Variants in CFAP54 observed in about 807,000 individuals in gnomAD.
CFAP54 encodes cilia and flagella associated protein 54.
CFAP54 carries 290 observed loss-of-function variants against 370.4 expected under a neutral mutation model. The observed-to-expected ratio is 0.78, with a 90% CI of 0.71 to 0.86. The LOEUF is 0.86. Among genes scored for constraint, CFAP54 ranks in the 40% least tolerant of loss-of-function variants. The pLI is 0.00. For missense variants in CFAP54, 3,399 were observed against 3,528.7 expected, an observed-to-expected ratio of 0.96 and a Z score of 0.93; for synonymous variants, 1,206 against 1,236.5, an observed-to-expected ratio of 0.98 and a Z score of 0.52.
chr12:96,518,126 G>A (rs1461675491), intron 5 of CFAP54, among the ~76,000 whole-genome samples: 4 of 152,134 alleles, frequency 2.6e-5, no homozygotes, highest in Admixed American at 6.6e-5. Context: ...AAATTGAGGC[G>A]TAAAGAGGTA....
intron 65 of CFAP54, among the ~76,000 whole-genome samples, chr12:96,826,963 C>A (rs7976980): frequency 2.4e-5 from 3 of 122,886 alleles, no homozygotes; most frequent in African/African-American, 3.4e-5. Context: ...ATATAATATG[C>A]AATTATATAT....
intron 32 of CFAP54, among the ~76,000 whole-genome samples, chr12:96,643,869 G>T (rs1446776752): frequency 6.6e-6 from 1 of 152,068 alleles, no homozygotes; most frequent in East Asian, 1.9e-4. Context: ...TAATTTTGTT[G>T]TCTAATCTCA....
At chr12:96,651,894 GTTTT>G (rs11314540) in intron 36 of CFAP54, 79 bp downstream of exon 36, 4 of 689,986 alleles carry the variant, frequency 5.8e-6, no homozygotes, top group Non-Finnish European at 9.1e-6. Flanking sequence ...AGTAGAAACT[GTTTT>G]TTTTTTTATT....
intron 19 of CFAP54, among the ~76,000 whole-genome samples, chr12:96,567,676 G>T (rs894501591): frequency 6.6e-6 from 1 of 151,984 alleles, no homozygotes; most frequent in African/African-American, 2.4e-5. Flanking sequence ...TACTAATCTT[G>T]GGTCTTCTTA....
At position 96,861,432 on chromosome 12, in the gene CFAP54, C is replaced by T. The variant is rs537645082; in HGVS notation, c.*14+480C>T. 1.4e-4 allele frequency among the ~76,000 whole-genome samples: 22 copies of T among 152,276 alleles called. 1 individual carries two copies. In the South Asian group the frequency reaches 3.9e-3, roughly 27 times the overall value. On this transcript the variant is annotated intron_variant, in intron 67 of 67. Coordinates refer to ENST00000524981, the MANE Select transcript of CFAP54 (RefSeq NM_001306084.2). ...ATTATCAAGCCCAAAATGTCACTAA[C>T]GCTAGTCTTGAAAAACCCTCAATTA...
intron 67 of CFAP54, among the ~76,000 whole-genome samples, chr12:96,868,989 A>G (rs1192582815): frequency 6.6e-6 from 1 of 152,238 alleles, no homozygotes; most frequent in African/African-American, 2.4e-5. Context: ...ATAACATCCC[A>G]TTAAAAAACT....
At chr12:96,836,517 G>C (rs1959186646) in intron 66 of CFAP54, among the ~76,000 whole-genome samples, 1 of 152,166 alleles carries the variant, frequency 6.6e-6, no homozygotes, top group Non-Finnish European at 1.5e-5. Context: ...TTACTAGCAG[G>C]ACAGCTGACA....
intron 4 of CFAP54, 138 bp downstream of exon 4, chr12:96,507,237 C>T (rs568665950): frequency 8.0e-5 from 56 of 700,764 alleles, no homozygotes; most frequent in African/African-American, 5.9e-4. Flanking sequence ...TTTCAACATT[C>T]GTGTGACATG....
At chr12:96,626,245 G>A (rs957815160) in intron 29 of CFAP54, among the ~76,000 whole-genome samples, 2 of 151,976 alleles carry the variant, frequency 1.3e-5, no homozygotes, top group Non-Finnish European at 2.9e-5. Flanking sequence ...TTATCCACGT[G>A]TTGGGTGGTG....
At chr12:96,771,330 C>G (rs779185366) in intron 60 of CFAP54, among the ~76,000 whole-genome samples, 1 of 152,182 alleles carries the variant, frequency 6.6e-6, no homozygotes, top group African/African-American at 2.4e-5. Context: ...TGAGTAGATT[C>G]AGGGAAACAG....
chr12:96,671,256 G>A lies in CFAP54; in HGVS notation c.5563+7324G>A, dbSNP rs140740612. ...CAAAGTGCTGGGATTACAGGCATGA[G>A]CCACTGCTCCCAGCCTGAGCATTCA... On this transcript the variant is annotated intron_variant, in intron 39 of 67. Transcript: ENST00000524981. Among the ~76,000 whole-genome samples, 328 of 152,296 alleles carry A rather than the reference G, an allele frequency of 2.2e-3. 9 individuals are homozygous for A. The East Asian group carries it at 0.056, about 26-fold the overall frequency.
chr12:96,729,694 C>G (rs186027356), intron 50 of CFAP54, among the ~76,000 whole-genome samples: 3 of 152,360 alleles, frequency 2.0e-5, no homozygotes, highest in Non-Finnish European at 4.4e-5. Context: ...GCTGCACCCA[C>G]TGTCCTGCGC....
intron 17 of CFAP54, among the ~76,000 whole-genome samples, chr12:96,559,309 C>T (rs2136405470): frequency 6.6e-6 from 1 of 151,920 alleles, no homozygotes; most frequent in East Asian, 1.9e-4. Flanking sequence ...GGATGGATAC[C>T]CCATTTTCCA....
chr12:96,808,375 T>G (rs1197383691), intron 63 of CFAP54, among the ~76,000 whole-genome samples: 6 of 152,142 alleles, frequency 3.9e-5, no homozygotes, highest in Admixed American at 3.9e-4. Flanking sequence ...TTGTGTCAGA[T>G]GAACACATCT....
chr12:96,653,916 G>A (rs1043362661), intron 36 of CFAP54, among the ~76,000 whole-genome samples: 8 of 151,952 alleles, frequency 5.3e-5, no homozygotes, highest in Non-Finnish European at 1.2e-4. Context: ...TATTAGTAGT[G>A]GAGAAGGGCT....
intron 63 of CFAP54, among the ~76,000 whole-genome samples, chr12:96,801,808 A>G (rs866634558): frequency 2.6e-5 from 4 of 152,150 alleles, no homozygotes; most frequent in Non-Finnish European, 5.9e-5. Context: ...CCTGACAACT[A>G]ATTTGGAGGG....
intron 66 of CFAP54, among the ~76,000 whole-genome samples, chr12:96,846,480 A>T (rs2136450306): frequency 6.6e-6 from 1 of 152,276 alleles, no homozygotes; most frequent in South Asian, 2.1e-4. Context: ...TTCCTGGGGA[A>T]AGAGAGCTGC....
chr12:96,854,617 T>C (rs375547533), intron 66 of CFAP54, among the ~76,000 whole-genome samples: 3 of 152,198 alleles, frequency 2.0e-5, no homozygotes, highest in African/African-American at 4.8e-5. Context: ...AATGATTGTA[T>C]AAATCAGGAT....
At chr12:96,772,591 A>ATTTT (rs35817553) in intron 60 of CFAP54, among the ~76,000 whole-genome samples, 2 of 137,828 alleles carry the variant, frequency 1.5e-5, no homozygotes, top group South Asian at 2.3e-4. Context: ...TTGGTGGGCA[A>ATTTT]TTTTTTTTTT....
Sources: allele counts gnomAD v4.1 joint callset (sites outside exome capture counted in the v4.1 genomes callset), GRCh38; gene constraint gnomAD v4.1.1; transcripts MANE v1.5; gene names NCBI Gene and HGNC (gene_info 2026-07-23, HGNC 2026-07-21).